CHLSN: variants seen among roughly 807,000 people sequenced by gnomAD.
CHLSN encodes cholesin.
chr7:1,072,558 C>G, the CHLSN span, among the ~76,000 whole-genome samples: 2 of 152,188 alleles, frequency 1.3e-5, no homozygotes, highest in Non-Finnish European at 1.5e-5. Context: ...CCAAAACGGT[C>G]TGTGGGCTGA....
the CHLSN span, among the ~76,000 whole-genome samples, chr7:1,061,210 T>C: frequency 2.0e-5 from 3 of 152,132 alleles, no homozygotes; most frequent in Admixed American, 2.0e-4. Flanking sequence ...TGTGGGTCTG[T>C]TGCAGGGACT....
chr7:1,104,144 G>A, the CHLSN span, among the ~76,000 whole-genome samples: 1 of 152,262 alleles, frequency 6.6e-6, no homozygotes, highest in Non-Finnish European at 1.5e-5. Flanking sequence ...TGGCAGCTAT[G>A]CTGAGTCCTG....
At chr7:1,051,633 G>A in the CHLSN span, among the ~76,000 whole-genome samples, 2 of 152,256 alleles carry the variant, frequency 1.3e-5, no homozygotes, top group South Asian at 4.1e-4. Context: ...GATTGGGAAG[G>A]ACGGGCAGTA....
chr7:1,138,155 C>T, the CHLSN span: 1 of 151,870 alleles, frequency 6.6e-6, no homozygotes, highest in Admixed American at 6.6e-5. Context: ...CGCCCTGACC[C>T]GCCGGCCACC....
chr7:1,033,955 G>A, the CHLSN span, among the ~76,000 whole-genome samples: 1 of 152,240 alleles, frequency 6.6e-6, no homozygotes, highest in Non-Finnish European at 1.5e-5. Flanking sequence ...CCAGCATCAG[G>A]CTGGCCGGGG....
At chr7:1,028,526 A>C in the CHLSN span, 3,025 of 984,672 alleles carry the variant, frequency 3.1e-3, 4 homozygotes, top group Non-Finnish European at 3.4e-3. Flanking sequence ...TGCAGCCCCC[A>C]CTGCTCCTCC....
the CHLSN span, chr7:984,278 C>T: frequency 4.1e-6 from 5 of 1,211,864 alleles, no homozygotes; most frequent in Non-Finnish European, 5.6e-6. Context: ...TTTATGGCAT[C>T]TAGGCGTGCC....
chr7:988,639 C>A, the CHLSN span: 1 of 1,602,722 alleles, frequency 6.2e-7, no homozygotes. Context: ...CCGCAGGCCG[C>A]CGCGTCTGTG....
At chr7:1,035,115 A>G in the CHLSN span, among the ~76,000 whole-genome samples, 5 of 152,212 alleles carry the variant, frequency 3.3e-5, no homozygotes, top group East Asian at 7.7e-4. Flanking sequence ...TGTCTTTGCT[A>G]TTGTGAACAG....
At chr7:1,066,109 C>G in the CHLSN span, among the ~76,000 whole-genome samples, 3 of 152,220 alleles carry the variant, frequency 2.0e-5, no homozygotes, top group Non-Finnish European at 4.4e-5. Context: ...CGGCTTTCGC[C>G]GGCAGCCGGC....
At chr7:997,707 C>T in the CHLSN span, 12 of 1,611,226 alleles carry the variant, frequency 7.4e-6, no homozygotes, top group Admixed American at 3.4e-5. Context: ...ATCCAGCTCC[C>T]GCATCAGGGC....
the CHLSN span, among the ~76,000 whole-genome samples, chr7:1,064,207 C>T: frequency 1.3e-5 from 2 of 152,338 alleles, no homozygotes; most frequent in Admixed American, 1.3e-4. Flanking sequence ...AGGCTTCACA[C>T]GCGTCGGCTG....
the CHLSN span, among the ~76,000 whole-genome samples, chr7:1,049,846 C>T: frequency 6.6e-6 from 1 of 152,202 alleles, no homozygotes; most frequent in African/African-American, 2.4e-5. Context: ...GAGAAGCCAC[C>T]AAGGTCCCGT....
the CHLSN span, among the ~76,000 whole-genome samples, chr7:991,370 A>C: frequency 6.6e-6 from 1 of 152,184 alleles, no homozygotes; most frequent in Non-Finnish European, 1.5e-5. Flanking sequence ...AGGCGGTCCA[A>C]ATGCCTCATC....
the CHLSN span, among the ~76,000 whole-genome samples, chr7:1,098,493 C>CCACAGTCAGGAAGATAAAGT: frequency 2.0e-5 from 3 of 152,310 alleles, no homozygotes; most frequent in Middle Eastern, 3.4e-3. Flanking sequence ...CCTGGAAATG[C>CCACAGTCAGGAAGATAAAGT]CACAGTCAGG....
chr7:1,038,559 G>A, the CHLSN span, among the ~76,000 whole-genome samples: 6 of 103,540 alleles, frequency 5.8e-5, no homozygotes, highest in Non-Finnish European at 2.0e-5. Flanking sequence ...CCGGCCAGCC[G>A]CCCCGTCCGG....
chr7:1,050,867 G>A, the CHLSN span, among the ~76,000 whole-genome samples: 4 of 152,310 alleles, frequency 2.6e-5, no homozygotes, highest in East Asian at 1.9e-4. Flanking sequence ...AAGGCTTGAC[G>A]CGCAGGGGGT....
chr7:1,126,633 A>G, the CHLSN span, among the ~76,000 whole-genome samples: 5 of 152,004 alleles, frequency 3.3e-5, no homozygotes, highest in Admixed American at 6.6e-5. Context: ...CTGAGCTGAG[A>G]TCCCACCACT....
At chr7:1,016,990 CAGCGCACAGG>C in the CHLSN span, among the ~76,000 whole-genome samples, 13 of 141,144 alleles carry the variant, frequency 9.2e-5, no homozygotes, top group South Asian at 2.2e-4. Flanking sequence ...CAGCGCACAG[CAGCGCACAGG>C]AGCACACAGC....
Sources: allele counts gnomAD v4.1 joint callset (sites outside exome capture counted in the v4.1 genomes callset), GRCh38; gene constraint gnomAD v4.1.1; transcripts MANE v1.5; gene names NCBI Gene and HGNC (gene_info 2026-07-23, HGNC 2026-07-21).